NAV2: variants seen among roughly 807,000 people sequenced by gnomAD.
The protein encoded by NAV2 is helicase, APC down-regulated 1.
In NAV2, 54 loss-of-function variants were observed where a neutral mutation model predicts 223.2. The observed-to-expected ratio is 0.24, with a 90% CI of 0.19 to 0.30. The LOEUF is 0.30. Ranked by LOEUF, NAV2 falls within the 10% of genes least tolerant of loss-of-function variation. NAV2 has a pLI of 1.00. For missense variants in NAV2, 2,806 were observed against 3,147.5 expected (o/e 0.89, Z 2.60); for synonymous variants, 1,279 against 1,239.3 (o/e 1.03, Z -0.67).
intron 1 of NAV2, among the ~76,000 whole-genome samples, chr11:19,523,013 G>A (rs141589555): frequency 5.3e-5 from 8 of 152,306 alleles, no homozygotes; most frequent in Non-Finnish European, 8.8e-5. Flanking sequence ...CTAAGCACTC[G>A]ACTCATTATC....
intron 10 of NAV2, among the ~76,000 whole-genome samples, chr11:19,954,729 G>T (rs1458278483): frequency 6.6e-6 from 1 of 151,960 alleles, no homozygotes; most frequent in Non-Finnish European, 1.5e-5. Flanking sequence ...TCTCCTCTCT[G>T]ATTCCATCCA....
intron 10 of NAV2, among the ~76,000 whole-genome samples, chr11:19,969,180 C>A (rs752980419): frequency 9.9e-5 from 15 of 152,208 alleles, no homozygotes; most frequent in Non-Finnish European, 1.8e-4. Context: ...CACTATACTG[C>A]TTTCACTTTT....
intron 34 of NAV2, 58 bp downstream of exon 34, chr11:20,103,782 G>A: frequency 6.7e-7 from 1 of 1,489,408 alleles, no homozygotes; most frequent in Non-Finnish European, 9.4e-7. Flanking sequence ...AGAAAAGCAA[G>A]AAGGGGCGGG....
At chr11:19,526,043 G>T (rs555946181) in intron 1 of NAV2, among the ~76,000 whole-genome samples, 4 of 152,246 alleles carry the variant, frequency 2.6e-5, no homozygotes, top group Non-Finnish European at 5.9e-5. Context: ...TGCCCCAGAA[G>T]AAGGTTTCCT....
At chr11:19,601,514 A>AT (rs1294021477) in intron 1 of NAV2, among the ~76,000 whole-genome samples, 1 of 152,022 alleles carries the variant, frequency 6.6e-6, no homozygotes, top group Non-Finnish European at 1.5e-5. Flanking sequence ...ACTGAGTGGC[A>AT]TTTTTTCCTT....
intron 1 of NAV2, among the ~76,000 whole-genome samples, chr11:19,568,728 A>G (rs1388461510): frequency 7.2e-5 from 11 of 152,212 alleles, no homozygotes; most frequent in Admixed American, 7.2e-4. Context: ...TCTTAGTTAC[A>G]TAAGGCTGAG....
intron 1 of NAV2, among the ~76,000 whole-genome samples, chr11:19,461,869 G>C (rs750969115): frequency 1.3e-5 from 2 of 152,164 alleles, no homozygotes; most frequent in African/African-American, 4.8e-5. Context: ...GCAGTGGCGC[G>C]ATCTCGCCTC....
At chr11:19,670,718 G>A (rs1363569019) in intron 1 of NAV2, among the ~76,000 whole-genome samples, 1 of 152,210 alleles carries the variant, frequency 6.6e-6, no homozygotes, top group African/African-American at 2.4e-5. Flanking sequence ...GCGGCAGCTG[G>A]GTCACATAGA....
chr11:19,848,658 C>A (rs1207405854), intron 3 of NAV2, among the ~76,000 whole-genome samples: 1 of 152,172 alleles, frequency 6.6e-6, no homozygotes, highest in Non-Finnish European at 1.5e-5. Context: ...ATGAGACAAT[C>A]TACATGAAGT....
chr11:20,085,824 G>A (rs888261867), intron 26 of NAV2, among the ~76,000 whole-genome samples: 10 of 152,188 alleles, frequency 6.6e-5, no homozygotes, highest in African/African-American at 2.2e-4. Flanking sequence ...AGGGTTTTAA[G>A]GACCAGGCCT....
intron 1 of NAV2, among the ~76,000 whole-genome samples, chr11:19,525,240 G>A (rs980807562): frequency 6.6e-6 from 1 of 152,206 alleles, no homozygotes; most frequent in Non-Finnish European, 1.5e-5. Flanking sequence ...ATTTGCCCAA[G>A]GACACATGGC....
intron 1 of NAV2, among the ~76,000 whole-genome samples, chr11:19,667,329 T>C (rs780149981): frequency 1.3e-4 from 20 of 152,234 alleles, no homozygotes; most frequent in Admixed American, 1.1e-3. Context: ...GACCTTGAGA[T>C]GCTCAGAGTC....
chr11:19,451,866 A>C (rs976989233), intron 1 of NAV2, among the ~76,000 whole-genome samples: 1 of 152,218 alleles, frequency 6.6e-6, no homozygotes, highest in Admixed American at 6.5e-5. Flanking sequence ...CTAGAGAGTG[A>C]CAGAGCAACA....
chr11:19,753,321 C>G (rs1454116235), intron 1 of NAV2, among the ~76,000 whole-genome samples: 1 of 152,148 alleles, frequency 6.6e-6, no homozygotes, highest in African/African-American at 2.4e-5. Context: ...TAGCCCTTCC[C>G]CCTCAAGCCT....
intron 1 of NAV2, among the ~76,000 whole-genome samples, chr11:19,668,460 G>C (rs931656208): frequency 4.7e-5 from 7 of 149,620 alleles, no homozygotes; most frequent in Non-Finnish European, 8.9e-5. Context: ...TTGAACCTGG[G>C]AGGTGGAAGT....
rs979670553 is a variant in NAV2 at position 20,094,479 on chromosome 11, C to T, written c.5917-1193C>T. Among the ~76,000 whole-genome samples, 12 of 152,128 alleles carry T rather than the reference C, an allele frequency of 7.9e-5. No homozygotes were observed. In the East Asian group the frequency reaches 1.5e-3, roughly 20 times the overall value. ...TCCCGACCTTGTGATCCACCTGCCT[C>T]GGCCTCCCAAAGTGTTGGGATTATA... On this transcript the variant is annotated intron_variant, in intron 29 of 37. Coordinates refer to ENST00000349880, the MANE Select transcript of NAV2 (RefSeq NM_145117.5).
chr11:19,846,059 AC>A (rs1184768341), intron 3 of NAV2, among the ~76,000 whole-genome samples: 3 of 152,052 alleles, frequency 2.0e-5, no homozygotes, highest in African/African-American at 7.3e-5. Flanking sequence ...GACCCATTCT[AC>A]CCCCAGGGCA....
intron 1 of NAV2, among the ~76,000 whole-genome samples, chr11:19,465,403 C>T (rs1362636033): frequency 1.3e-5 from 2 of 152,126 alleles, no homozygotes; most frequent in African/African-American, 4.8e-5. Context: ...TATAAAATAG[C>T]TTCTTTGTAT....
intron 3 of NAV2, among the ~76,000 whole-genome samples, chr11:19,861,392 C>T (rs2061779012): frequency 6.6e-6 from 1 of 151,490 alleles, no homozygotes; most frequent in African/African-American, 2.4e-5. Context: ...CAGGGGCCAA[C>T]CCAAGACACA....
Sources: allele counts gnomAD v4.1 joint callset (sites outside exome capture counted in the v4.1 genomes callset), GRCh38; gene constraint gnomAD v4.1.1; transcripts MANE v1.5; gene names NCBI Gene and HGNC (gene_info 2026-07-23, HGNC 2026-07-21).